RBFOX3: variants seen among roughly 807,000 people sequenced by gnomAD.
RBFOX3 encodes the protein RNA binding protein fox-1 homolog 3.
RBFOX3 carries 17 observed loss-of-function variants against 48.7 expected under a neutral mutation model. The ratio of observed to expected loss-of-function variants is 0.35; its 90% CI spans 0.24 to 0.52. The LOEUF is 0.52. Among genes scored for constraint, RBFOX3 ranks in the 20% least tolerant of loss-of-function variants. The pLI, the probability that RBFOX3 is intolerant of heterozygous loss-of-function variation, is 0.94. For missense variants in RBFOX3, 382 were observed against 497.5 expected, an observed-to-expected ratio of 0.77 and a Z score of 2.21; for synonymous variants, 212 against 209.5, an observed-to-expected ratio of 1.01 and a Z score of -0.10.
rs1269565838 is a variant in RBFOX3, at chr17:79,120,806, T to C, written c.-33-5058A>G. Among the ~76,000 whole-genome samples the C allele has an allele frequency of 2.6e-5, 4 of 151,960 alleles. No homozygotes were observed. The East Asian group carries it at 7.7e-4, about 29-fold the overall frequency. On this transcript the variant is annotated intron_variant, in intron 4 of 14. Coordinates refer to ENST00000693108, the MANE Select transcript of RBFOX3 (RefSeq NM_001350451.2). ...GATGAGTTTAAAGACCATGGATAAG[T>C]TGTTATCCTCCCTTCCTCTACAAAC...
At chr17:79,236,898 CCTTT>C (rs1395882269) in intron 3 of RBFOX3, among the ~76,000 whole-genome samples, 1 of 152,178 alleles carries the variant, frequency 6.6e-6, no homozygotes, top group African/African-American at 2.4e-5. Flanking sequence ...AGATTTCCTT[CCTTT>C]ATTTTAGTAA....
intron 4 of RBFOX3, among the ~76,000 whole-genome samples, chr17:79,183,863 A>AGCCCTCCCTCGC (rs1197557470): frequency 6.6e-6 from 1 of 151,960 alleles, no homozygotes; most frequent in African/African-American, 2.4e-5. Context: ...GCACCGGGGC[A>AGCCCTCCCTCGC]GCCCTCCCTC....
At chr17:79,188,820 G>C (rs371642361) in intron 4 of RBFOX3, among the ~76,000 whole-genome samples, 6 of 152,380 alleles carry the variant, frequency 3.9e-5, no homozygotes, top group African/African-American at 1.4e-4. Context: ...CCACCCCAGG[G>C]CTCGGTGGGT....
At chr17:79,396,578 A>G (rs1299495437) in intron 2 of RBFOX3, among the ~76,000 whole-genome samples, 2 of 151,808 alleles carry the variant, frequency 1.3e-5, no homozygotes, top group Non-Finnish European at 2.9e-5. Context: ...CCCTATGCCC[A>G]CCCTGCTCTC....
In RBFOX3 at chr17:79,106,905, C is replaced by A. The variant is rs2077483401; in HGVS notation, c.223-117G>T. 6 of 1,308,766 alleles carry A rather than the reference C, an allele frequency of 4.6e-6. No individual in the cohort carries two copies. In the Admixed American group the frequency reaches 2.2e-4, roughly 48 times the overall value. 81.1% of individuals were successfully genotyped at this position (1,308,766 alleles called of 1,614,324 possible). On this transcript the variant is annotated intron_variant, in intron 5 of 14. Coordinates refer to ENST00000693108, the MANE Select transcript of RBFOX3 (RefSeq NM_001350451.2). ...ATTCTCCCCACCCTTCTGGGCCTCT[C>A]CCCCATCCCTGGGCTGGGATCCTTG...
chr17:79,548,398 C>A (rs933752978), intron 1 of RBFOX3, among the ~76,000 whole-genome samples: 5 of 152,214 alleles, frequency 3.3e-5, no homozygotes, highest in African/African-American at 7.2e-5. Flanking sequence ...TCCAAGTCAG[C>A]GTCCTGCCTG....
intron 2 of RBFOX3, among the ~76,000 whole-genome samples, chr17:79,388,692 C>T (rs991988659): frequency 2.0e-5 from 3 of 152,160 alleles, no homozygotes; most frequent in African/African-American, 4.8e-5. Context: ...GTCCACGTCC[C>T]GGCCAGGGTT....
At chr17:79,608,510 C>A (rs2093888920) in intron 1 of RBFOX3, among the ~76,000 whole-genome samples, 1 of 152,164 alleles carries the variant, frequency 6.6e-6, no homozygotes, top group African/African-American at 2.4e-5. Flanking sequence ...TAGAAATGGA[C>A]AACTCACCCC....
chr17:79,349,447 C>T (rs555840702), intron 2 of RBFOX3, among the ~76,000 whole-genome samples: 1 of 152,174 alleles, frequency 6.6e-6, no homozygotes, highest in African/African-American at 2.4e-5. Context: ...CTCACTTCTC[C>T]CACCTTCTCC....
At chr17:79,411,092 G>T (rs2064258169) in intron 2 of RBFOX3, among the ~76,000 whole-genome samples, 1 of 152,198 alleles carries the variant, frequency 6.6e-6, no homozygotes, top group Non-Finnish European at 1.5e-5. Context: ...ACAGCAACAG[G>T]AACCACCTTG....
intron 2 of RBFOX3, among the ~76,000 whole-genome samples, chr17:79,312,856 G>A (rs1385552531): frequency 6.6e-6 from 1 of 152,236 alleles, no homozygotes; most frequent in Non-Finnish European, 1.5e-5. Flanking sequence ...CCTCGAGGGG[G>A]AGAGAGCTGG....
intron 2 of RBFOX3, among the ~76,000 whole-genome samples, chr17:79,347,231 G>T (rs1322599955): frequency 6.6e-6 from 1 of 152,140 alleles, no homozygotes; most frequent in African/African-American, 2.4e-5. Flanking sequence ...ATAATAACTT[G>T]CTCTTTGTGT....
chr17:79,655,048 C>A, the RBFOX3 span, among the ~76,000 whole-genome samples: 1 of 152,156 alleles, frequency 6.6e-6, no homozygotes, highest in Non-Finnish European at 1.5e-5. Flanking sequence ...AGCTTCCCGA[C>A]GAGGCTGTTG....
chr17:79,413,949 G>A (rs2064892762), intron 2 of RBFOX3, among the ~76,000 whole-genome samples: 2 of 152,044 alleles, frequency 1.3e-5, no homozygotes, highest in Non-Finnish European at 1.5e-5. Flanking sequence ...CTGGGGGTAG[G>A]AGAGGGGGCA....
chr17:79,152,648 G>A (rs2125961), intron 4 of RBFOX3, among the ~76,000 whole-genome samples: 1 of 151,892 alleles, frequency 6.6e-6, no homozygotes, highest in Non-Finnish European at 1.5e-5. Context: ...AGAAGGAGAC[G>A]GAAAAGGGGA....
rs1384861022 is a variant in RBFOX3 at position 79,535,361 on chromosome 17, G to A, written c.-319-52763C>T. The stretch of plus-strand genomic sequence containing the variant: ...CCTATAGGTAAGGAGAAGAGGGAGG[G>A]TGACAGAGGCTCCCAGAAGTCAGCC... On this transcript the variant is annotated intron_variant, in intron 1 of 14. Transcript: ENST00000693108. The surrounding 1 kb of genome is among the most constrained non-coding windows in gnomAD (Gnocchi z 4.5). Among the ~76,000 whole-genome samples, 1 of 152,214 alleles carries A rather than the reference G, an allele frequency of 6.6e-6. No homozygotes were observed. The highest frequency in any genetic ancestry group is 1.5e-5 in the Non-Finnish European group (1 of 68,040).
intron 1 of RBFOX3, among the ~76,000 whole-genome samples, chr17:79,541,898 C>T (rs944592873): frequency 1.3e-5 from 2 of 152,102 alleles, no homozygotes; most frequent in Non-Finnish European, 2.9e-5. Flanking sequence ...CACCTCCTGC[C>T]GATGTCACCA....
chr17:79,562,915 T>C (rs2092303235), intron 1 of RBFOX3, among the ~76,000 whole-genome samples: 1 of 152,176 alleles, frequency 6.6e-6, no homozygotes, highest in African/African-American at 2.4e-5. Flanking sequence ...TGGGATTTTT[T>C]CCCCTCTGCA....
At chr17:79,589,955 T>TA (rs1296842919) in intron 1 of RBFOX3, among the ~76,000 whole-genome samples, 2 of 151,856 alleles carry the variant, frequency 1.3e-5, no homozygotes, top group African/African-American at 4.8e-5. Flanking sequence ...GCCCTCAGAT[T>TA]AAAAAAGAAG....
Sources: gnomAD v4.1 joint callset for allele counts (sites outside exome capture counted in the v4.1 genomes callset) on GRCh38, gnomAD v4.1.1 for gene constraint, Gnocchi (gnomAD v3.1) non-coding constraint, MANE v1.5 for transcripts, NCBI Gene and HGNC (gene_info 2026-07-23, HGNC 2026-07-21) for gene names.